Variants in CAB39L observed in about 807,000 individuals in gnomAD.
CAB39L encodes calcium-binding protein 39-like.
Under a neutral mutation model 39.1 loss-of-function variants are expected in CAB39L, and 23 were observed. The ratio of observed to expected loss-of-function variants is 0.59; its 90% CI spans 0.42 to 0.83. CAB39L has a LOEUF of 0.83. CAB39L is among the 40% of genes least tolerant of loss of function. The pLI is 0.00. For missense variants in CAB39L, 366 were observed against 391.9 expected (o/e 0.93, Z 0.56); for synonymous variants, 126 against 137.2 (o/e 0.92, Z 0.57).
At chr13:49,346,129 G>GATATATAT (rs1955167214) in intron 7 of CAB39L, among the ~76,000 whole-genome samples, 1 of 11,686 alleles carries the variant, frequency 8.6e-5, no homozygotes, top group African/African-American at 3.1e-4. Flanking sequence ...ATATATCATG[G>GATATATAT]ATACAGCCAA....
intron 3 of CAB39L, among the ~76,000 whole-genome samples, chr13:49,411,300 C>T (rs11618809): frequency 0.35 from 52,358 of 150,906 alleles, 9,422 homozygotes; most frequent in Middle Eastern, 0.42. Context: ...ATCCCAGCTA[C>T]TTAGGAGGCT....
chr13:49,351,097 T>C lies in CAB39L; in HGVS notation c.396-185A>G, dbSNP rs551092138. On this transcript the variant is annotated intron_variant, in intron 6 of 10. Transcript: ENST00000409308. ...ACTATTGCAGACGTATTCTGGAATT[T>C]GAGTGTATTCTGAAACACTTAGATA... 5 of 419,296 alleles carry C rather than the reference T, an allele frequency of 1.2e-5. No individual in the cohort carries two copies. The Admixed American group carries it at 2.2e-4, about 18-fold the overall frequency. 26.0% of individuals were successfully genotyped at this position (419,296 alleles called of 1,614,324 possible).
At chr13:49,370,403 T>C (rs973291604) in intron 5 of CAB39L, among the ~76,000 whole-genome samples, 2 of 152,204 alleles carry the variant, frequency 1.3e-5, no homozygotes, top group African/African-American at 2.4e-5. Context: ...GGCCACATAG[T>C]GAAAAATACG....
chr13:49,340,896 G>C (rs530423793), intron 8 of CAB39L, among the ~76,000 whole-genome samples: 65 of 152,316 alleles, frequency 4.3e-4, no homozygotes, highest in African/African-American at 1.5e-3. Context: ...AGCTTCAGCA[G>C]CTGTGAAATT....
intron 6 of CAB39L, among the ~76,000 whole-genome samples, chr13:49,352,868 C>T (rs1188222369): frequency 6.6e-6 from 1 of 152,160 alleles, no homozygotes; most frequent in Non-Finnish European, 1.5e-5. Context: ...TTTTATTACT[C>T]ATCAACTACT....
chr13:49,429,152 A>G (rs1012521683), intron 3 of CAB39L, among the ~76,000 whole-genome samples: 5 of 152,246 alleles, frequency 3.3e-5, no homozygotes, highest in Admixed American at 6.5e-5. Context: ...ACATGAATCA[A>G]TGGTATGACC....
intron 9 of CAB39L, among the ~76,000 whole-genome samples, chr13:49,335,885 A>G (rs1362145049): frequency 6.6e-6 from 1 of 152,238 alleles, no homozygotes; most frequent in Non-Finnish European, 1.5e-5. Flanking sequence ...GCAGGTAGCA[A>G]CTACTTTGGA....
intron 3 of CAB39L, among the ~76,000 whole-genome samples, chr13:49,409,462 A>C (rs1235175668): frequency 6.6e-6 from 1 of 152,022 alleles, no homozygotes. Flanking sequence ...AAAAAAAAAA[A>C]AAAACCTTTC....
chr13:49,377,885 C>G (rs1352278268), intron 4 of CAB39L, among the ~76,000 whole-genome samples: 1 of 78,654 alleles, frequency 1.3e-5, no homozygotes. Context: ...TCCGCCCGGC[C>G]GCCATCCCAT....
intron 3 of CAB39L, among the ~76,000 whole-genome samples, chr13:49,416,274 C>T (rs1566129445): frequency 6.6e-6 from 1 of 152,138 alleles, no homozygotes; most frequent in East Asian, 1.9e-4. Flanking sequence ...AGAACTATTG[C>T]CCTTCTACAG....
chr13:49,353,672 G>A (rs777803043), intron 6 of CAB39L, among the ~76,000 whole-genome samples: 61 of 151,912 alleles, frequency 4.0e-4, no homozygotes, highest in Non-Finnish European at 4.1e-4. Context: ...ATAACAGCTT[G>A]TCTGTAATTT....
intron 3 of CAB39L, among the ~76,000 whole-genome samples, chr13:49,411,220 G>A (rs951297831): frequency 7.2e-5 from 11 of 151,912 alleles, no homozygotes; most frequent in Non-Finnish European, 1.5e-4. Flanking sequence ...ACCAGCCTGG[G>A]CAACATAGTG....
intron 6 of CAB39L, among the ~76,000 whole-genome samples, chr13:49,358,003 A>G (rs182914236): frequency 3.3e-5 from 5 of 152,370 alleles, no homozygotes; most frequent in East Asian, 1.9e-4. Flanking sequence ...CGAAATGGCA[A>G]TGAACAAAGT....
At chr13:49,418,245 T>C (rs899933704) in intron 3 of CAB39L, among the ~76,000 whole-genome samples, 1 of 152,120 alleles carries the variant, frequency 6.6e-6, no homozygotes, top group African/African-American at 2.4e-5. Flanking sequence ...TAATACAATA[T>C]GGGTGAAAAC....
chr13:49,338,523 G>A, intron 9 of CAB39L, among the ~76,000 whole-genome samples: 1 of 132,014 alleles, frequency 7.6e-6, no homozygotes. Flanking sequence ...AGGGGGTAGG[G>A]ATAGCATTGG....
chr13:49,344,275 T>C (rs1488623553), intron 7 of CAB39L, 37 bp from the exon 8 acceptor site: 7 of 1,142,154 alleles, frequency 6.1e-6, no homozygotes, highest in South Asian at 2.6e-5. Flanking sequence ...AAAACTGTTA[T>C]AGCTATTAAT....
At chr13:49,387,582 G>A (rs987443923) in intron 3 of CAB39L, among the ~76,000 whole-genome samples, 44 of 152,170 alleles carry the variant, frequency 2.9e-4, no homozygotes, top group African/African-American at 1.1e-3. Flanking sequence ...TCTTCCAGCA[G>A]TCAGTAAGCA....
chr13:49,423,879 A>G (rs1957207879), intron 3 of CAB39L, among the ~76,000 whole-genome samples: 1 of 152,246 alleles, frequency 6.6e-6, no homozygotes, highest in Non-Finnish European at 1.5e-5. Flanking sequence ...CTAAAATGAC[A>G]AACACAGAAA....
Position 49,331,937 on chromosome 13 carries a change from T to C in CAB39L, c.834+10A>G, listed in dbSNP as rs766379793. 6.2e-7 allele frequency: 1 copy of C among 1,613,912 alleles called. No homozygotes were observed. The highest frequency in any genetic ancestry group is 1.7e-5 in the Admixed American group (1 of 60,014). On this transcript the variant is annotated intron_variant, in intron 10 of 10. Transcript: ENST00000409308. ...CCTACAACATTGTTTCCAGAGCTTG[T>C]ACTTTTTACCTTAAAAACATGAAAG...
Sources: allele counts gnomAD v4.1 joint callset (sites outside exome capture counted in the v4.1 genomes callset), GRCh38; gene constraint gnomAD v4.1.1; transcripts MANE v1.5; gene names NCBI Gene and HGNC (gene_info 2026-07-23, HGNC 2026-07-21).